The following ALKAL2 variants were observed in gnomAD, a reference collection of about 807,000 sequenced individuals.
ALKAL2 encodes AUG-alpha.
Under a neutral mutation model 18.5 loss-of-function variants are expected in ALKAL2, and 8 were observed. The observed-to-expected ratio is 0.43, with a 90% CI of 0.25 to 0.78. The LOEUF (loss-of-function observed/expected upper bound fraction) is 0.78, where lower values mean the gene tolerates loss of function less well. Among genes scored for constraint, ALKAL2 ranks in the 30% least tolerant of loss-of-function variants. The probability of loss-of-function intolerance (pLI) is 0.22; values close to 1 mark genes in which losing one functional copy is unlikely to be tolerated. For synonymous variants in ALKAL2, 135 were observed against 95.8 expected (o/e 1.41, Z -2.39); for missense variants, 241 against 211.2 (o/e 1.14, Z -0.88).
intron 5 of ALKAL2, among the ~76,000 whole-genome samples, chr2:280,886 C>T (rs772438165): frequency 6.6e-6 from 1 of 152,244 alleles, no homozygotes; most frequent in African/African-American, 2.4e-5. Context: ...TTTTCTCAGG[C>T]TCTGGGCCTT....
chr2:287,691 G>A lies in ALKAL2; in HGVS notation c.145C>T (p.Arg49Trp), dbSNP rs1670571033. The A allele has an allele frequency of 6.7e-7, 1 of 1,481,732 alleles. No individual in the cohort carries two copies. The highest frequency in any genetic ancestry group is 8.9e-7 in the Non-Finnish European group (1 of 1,122,604). 91.8% of individuals were successfully genotyped at this position (1,481,732 alleles called of 1,614,324 possible). Residue 49 changes from arginine to tryptophan, a missense_variant, in exon 2 of 6, where the codon CGG becomes TGG. Coordinates refer to ENST00000403610, the MANE Select transcript of ALKAL2 (RefSeq NM_001002919.3). Reference protein sequence around the residue: ...RLVVELVQELRKHHSAEHKGL... With the variant: ...RLVVELVQELWKHHSAEHKGL... ...TTGTGCTCCGCCGAGTGGTGCTTCC[G>A]CAGCTCCTGGACGAGTTCCACCACC...
In ALKAL2 at chr2:287,803, C is replaced by T. The variant is rs1298173136; in HGVS notation, c.33G>A (p.Gly11=). The T allele has an allele frequency of 8.8e-6, 12 of 1,359,636 alleles. No individual in the cohort carries two copies. The highest frequency in any genetic ancestry group is 1.1e-5 in the Non-Finnish European group (12 of 1,065,002). 84.2% of individuals were successfully genotyped at this position (1,359,636 alleles called of 1,614,324 possible). The change falls in exon 2 of 6, where the codon GGG becomes GGA. Residue 11 remains glycine (G), a synonymous_variant. Transcript: ENST00000403610. ...CCGCCGCCCCCAGCACCAGCAGCAG[C>T]CCCAGGAGGAGGGGGTGCCCGGGTC... MRGPGHPLLL[G]LLLVLGAAGR... is the part of the protein sequence containing the mutation.
rs1670592166 is a variant in ALKAL2 at position 288,064 on chromosome 2, C to T, written c.-109G>A. The T allele has an allele frequency of 8.3e-7, 1 of 1,205,148 alleles. No individual in the cohort carries two copies. Among genetic ancestry groups the T allele is most frequent in the Non-Finnish European group, 1.0e-6 (1 of 972,036 alleles). The allele number at this position is 1,205,148 out of a possible 1,614,324, so 74.7% of individuals were successfully genotyped here. A position where few individuals can be genotyped will look rare whatever the true frequency, so the allele number is the denominator to read the frequency against. On this transcript the variant is annotated 5_prime_UTR_variant, in exon 1 of 6. Transcript: ENST00000403610. ...GCAGGTGAGGGAGCCGCGGTCTCCT[C>T]GACGATCACGCCCGAGGTCCCGCCC...
rs767220052 is a variant in ALKAL2, at chr2:283,136, A to G, written c.428T>C (p.Val143Ala). The G allele has an allele frequency of 1.2e-6, 2 of 1,613,048 alleles. No homozygotes were observed. The highest frequency in any genetic ancestry group is 1.7e-6 in the Non-Finnish European group (2 of 1,179,624). Residue 143 changes from valine (V) to alanine (A), a missense_variant, in exon 5 of 6, where the codon GTC becomes GCC. Physicochemically the swap from Val to Ala is moderately conservative, Grantham distance 64. Transcript: ENST00000403610. ...RCARLLTRLAVSPVCMEDKQ is the reference protein window; with the variant it reads ...RCARLLTRLAASPVCMEDKQ The stretch of plus-strand genomic sequence containing the variant: ...CTTATCCTCCATGCACACTGGACTG[A>G]CAGCCAGCCGGGTAAGAAGCCTGGC...
intron 4 of ALKAL2, among the ~76,000 whole-genome samples, chr2:284,343 T>C (rs547853925): frequency 6.6e-5 from 10 of 152,232 alleles, no homozygotes; most frequent in Non-Finnish European, 5.9e-5. Flanking sequence ...TGGGACTTAG[T>C]TCTGCATTCC....
chr2:283,583 T>TG, intron 4 of ALKAL2: 1 of 985,440 alleles, frequency 1.0e-6, no homozygotes, highest in Non-Finnish European at 1.2e-6. Flanking sequence ...CAAAGCCTTC[T>TG]GCCTGTAAAT....
chr2:285,678 T>C (rs1412095849), intron 4 of ALKAL2, among the ~76,000 whole-genome samples: 2 of 152,236 alleles, frequency 1.3e-5, no homozygotes, highest in African/African-American at 4.8e-5. Flanking sequence ...AGAAACAGTT[T>C]TGAAATCACA....
At chr2:286,000 T>G in intron 4 of ALKAL2, 123 bp downstream of exon 4, 1 of 765,596 alleles carries the variant, frequency 1.3e-6, no homozygotes, top group Non-Finnish European at 2.2e-6. Context: ...CCTAACTCCA[T>G]AGTGAGGAAG....
At chr2:284,768 G>C (rs1293864326) in intron 4 of ALKAL2, among the ~76,000 whole-genome samples, 2 of 152,162 alleles carry the variant, frequency 1.3e-5, no homozygotes, top group Non-Finnish European at 2.9e-5. Flanking sequence ...AGATGAGACT[G>C]AATGACTCAG....
intron 5 of ALKAL2, among the ~76,000 whole-genome samples, chr2:281,178 C>G (rs7566279): frequency 0.3 from 45,328 of 152,212 alleles, 7,042 homozygotes; most frequent in Non-Finnish European, 0.35. Flanking sequence ...ACACCAGTAA[C>G]AATTTGCTGT....
Position 287,598 on chromosome 2 carries a change from G to C in ALKAL2, c.238C>G (p.Pro80Ala). The C allele has an allele frequency of 6.8e-7, 1 of 1,465,996 alleles. No homozygotes were observed. Among genetic ancestry groups the C allele is most frequent in the Non-Finnish European group, 9.0e-7 (1 of 1,114,730 alleles). The allele number at this position is 1,465,996 out of a possible 1,614,324, so 90.8% of individuals were successfully genotyped here. A position where few individuals can be genotyped will look rare whatever the true frequency, so the allele number is the denominator to read the frequency against. ...RAEAAGLGPS[P>A]EQRVEIVPRD... ...CCCCACTCACCCACTCGCTGCTCCG[G>C]CGAAGGCCCCAGCCCCGCCGCCTCC... Residue 80 changes from proline to alanine, a missense_variant, in exon 2 of 6, where the codon CCG (proline) becomes GCG (alanine). Transcript: ENST00000403610.
rs939717201 is a variant in ALKAL2, at chr2:287,671, C to T, written c.165G>A (p.Glu55=). The change falls in exon 2 of 6, where the codon GAG becomes GAA. Residue 55 remains glutamate, a synonymous_variant. Coordinates refer to ENST00000403610, the MANE Select transcript of ALKAL2 (RefSeq NM_001002919.3). ...GCCCGAGGAGCTGCAGGCCCTTGTG[C>T]TCCGCCGAGTGGTGCTTCCGCAGCT... The part of the protein sequence containing the change: ...VQELRKHHSA[E]HKGLQLLGRD... 2 of 1,484,694 alleles carry T rather than the reference C, an allele frequency of 1.3e-6. No individual in the cohort carries two copies. Among genetic ancestry groups the T allele is most frequent in the East Asian group, 2.9e-5 (1 of 34,280 alleles). The allele number at this position is 1,484,694 out of a possible 1,614,324, so 92.0% of individuals were successfully genotyped here.
rs1670561688 is a variant in ALKAL2 at position 287,570 on chromosome 2, C to G, written c.253+13G>C. On this transcript the variant is annotated intron_variant, in intron 2 of 5. Transcript: ENST00000403610. ...AGCAGCCCCGGCCCTCGGGCGCGCTCGGCCCCACTCACCCACTCGCTGCTC... is the reference window on the plus strand; with the variant it reads ...AGCAGCCCCGGCCCTCGGGCGCGCTGGGCCCCACTCACCCACTCGCTGCTC... 1 of 1,394,620 alleles carries G rather than the reference C, an allele frequency of 7.2e-7. No homozygotes were observed. Among genetic ancestry groups the G allele is most frequent in the Non-Finnish European group, 9.3e-7 (1 of 1,080,058 alleles). 86.4% of individuals were successfully genotyped at this position (1,394,620 alleles called of 1,614,324 possible). A position where few individuals can be genotyped will look rare whatever the true frequency, so the allele number is the denominator to read the frequency against.
chr2:282,991 C>T, intron 5 of ALKAL2, 120 bp downstream of exon 5: 1 of 1,062,852 alleles, frequency 9.4e-7, no homozygotes, highest in South Asian at 1.6e-5. Flanking sequence ...GCCATCTCTA[C>T]TTAGAATATG....
intron 5 of ALKAL2, 131 bp from the exon 6 acceptor site, chr2:280,283 TCTCTGTGATCC>T: frequency 1.0e-6 from 1 of 971,550 alleles, no homozygotes; most frequent in South Asian, 1.4e-5. Flanking sequence ...CATCTGTATT[TCTCTGTGATCC>T]AAAAAGTGTA....
chr2:287,997 G>A lies in ALKAL2; in HGVS notation c.-58+16C>T. The A allele has an allele frequency of 1.6e-6, 2 of 1,233,388 alleles. No individual in the cohort carries two copies. The highest frequency in any genetic ancestry group is 2.0e-6 in the Non-Finnish European group (2 of 990,418). The allele number at this position is 1,233,388 out of a possible 1,614,324, so 76.4% of individuals were successfully genotyped here. ...GGAGGCGGGAGGAGCCGCTGGCGCT[G>A]GACCCGGCCCCTCACCTCCGCGGAC... On this transcript the variant is annotated intron_variant, in intron 1 of 5. Coordinates refer to ENST00000403610, the MANE Select transcript of ALKAL2 (RefSeq NM_001002919.3).
At position 281,841 on chromosome 2, in the gene ALKAL2, A is replaced by G. The variant is rs577610943; in HGVS notation, c.453+1270T>C. Among the ~76,000 whole-genome samples, 5 of 152,294 alleles carry G rather than the reference A, an allele frequency of 3.3e-5. No homozygotes were observed. In the South Asian group the frequency reaches 1.0e-3, roughly 32 times the overall value. On this transcript the variant is annotated intron_variant, in intron 5 of 5. Transcript: ENST00000403610. ...CCCCTGGCATATCACCTTGGGTGAC[A>G]GGAATGTACATCTGTTCACTGATTT...
In ALKAL2 at chr2:286,277, G is replaced by C; in HGVS notation, c.307+13C>G. 1 of 1,611,742 alleles carries C rather than the reference G, an allele frequency of 6.2e-7. No individual in the cohort carries two copies. ...GAGCTCTGGGAGACGTGAGGAACGA[G>C]GAGAAAACTTACCTGTAAGGTGTTT... On this transcript the variant is annotated intron_variant, in intron 3 of 5. Coordinates refer to ENST00000403610, the MANE Select transcript of ALKAL2 (RefSeq NM_001002919.3).
At chr2:285,985 T>C in intron 4 of ALKAL2, 138 bp downstream of exon 4, 1 of 671,034 alleles carries the variant, frequency 1.5e-6, no homozygotes, top group South Asian at 2.0e-5. Context: ...CTGGCGATCT[T>C]GGCCCCTAAC....
Sources: gnomAD v4.1 joint callset for allele counts (sites outside exome capture counted in the v4.1 genomes callset) on GRCh38, gnomAD v4.1.1 for gene constraint, MANE v1.5 for transcripts, NCBI Gene and HGNC (gene_info 2026-07-23, HGNC 2026-07-21) for gene names.